The following RBKS variants were observed in gnomAD, a reference collection of about 807,000 sequenced individuals.
RBKS encodes ribokinase.
RBKS carries 33 observed loss-of-function variants against 33.9 expected under a neutral mutation model. The observed-to-expected ratio is 0.97, with a 90% CI of 0.74 to 1.30. The LOEUF (loss-of-function observed/expected upper bound fraction) is 1.30. RBKS is among the 50% of genes most tolerant of loss of function. The pLI is 0.00. For synonymous variants in RBKS, 125 were observed against 143.0 expected (o/e 0.87, Z 0.90); for missense variants, 361 against 392.6 (o/e 0.92, Z 0.68).
chr2:27,782,190 C>G (rs547089203), intron 7 of RBKS, among the ~76,000 whole-genome samples: 2 of 151,244 alleles, frequency 1.3e-5, no homozygotes, highest in African/African-American at 4.9e-5. Context: ...GAGACATGGT[C>G]TCGCTCTGTT....
At chr2:27,861,642 T>C (rs1401260986) in intron 1 of RBKS, 1 of 451,398 alleles carries the variant, frequency 2.2e-6, no homozygotes, top group Non-Finnish European at 4.5e-6. Flanking sequence ...AATAAGGAGA[T>C]TAGTATGTTC....
intron 5 of RBKS, among the ~76,000 whole-genome samples, chr2:27,840,526 T>C (rs531889523): frequency 6.6e-6 from 1 of 152,098 alleles, no homozygotes; most frequent in East Asian, 1.9e-4. Flanking sequence ...TGTGTGCATG[T>C]GTGTTCGTGT....
chr2:27,859,632 C>A (rs1372344134), intron 1 of RBKS, among the ~76,000 whole-genome samples: 1 of 152,136 alleles, frequency 6.6e-6, no homozygotes, highest in Non-Finnish European at 1.5e-5. Context: ...GGCACGAACA[C>A]TGGCTAGCTG....
intron 7 of RBKS, among the ~76,000 whole-genome samples, chr2:27,821,891 ACCCAGC>A (rs1678218663): frequency 6.6e-6 from 1 of 152,112 alleles, no homozygotes; most frequent in Non-Finnish European, 1.5e-5. Flanking sequence ...TATTTTACCC[ACCCAGC>A]CCTTTCTCAA....
intron 1 of RBKS, among the ~76,000 whole-genome samples, chr2:27,886,147 G>A (rs773693231): frequency 5.9e-5 from 9 of 152,144 alleles, no homozygotes; most frequent in Non-Finnish European, 1.2e-4. Flanking sequence ...TGTTTGCCAT[G>A]CTGTATGAGC....
chr2:27,851,017 C>T (rs1436883134), intron 2 of RBKS, among the ~76,000 whole-genome samples: 2 of 152,134 alleles, frequency 1.3e-5, no homozygotes, highest in African/African-American at 4.8e-5. Flanking sequence ...ACCTGCTTGG[C>T]TCCTGTAGGC....
chr2:27,889,353 T>TA (rs1664650199), intron 1 of RBKS, among the ~76,000 whole-genome samples: 1 of 152,226 alleles, frequency 6.6e-6, no homozygotes, highest in Admixed American at 6.5e-5. Context: ...AATGAGGTGT[T>TA]ACTGTAGCAT....
At chr2:27,789,977 ATATATAT>A (rs1677489938) in intron 7 of RBKS, among the ~76,000 whole-genome samples, 7 of 131,012 alleles carry the variant, frequency 5.3e-5, no homozygotes, top group African/African-American at 1.8e-4. Flanking sequence ...ATATATGTAT[ATATATAT>A]GTAGAGAGAG....
chr2:27,841,283 C>T (rs1406704863), intron 5 of RBKS, among the ~76,000 whole-genome samples: 1 of 152,088 alleles, frequency 6.6e-6, no homozygotes, highest in Non-Finnish European at 1.5e-5. Context: ...GGGTAGGTAA[C>T]AGGCAACTAG....
At chr2:27,838,403 GA>G (rs1194064387) in intron 5 of RBKS, among the ~76,000 whole-genome samples, 2 of 152,004 alleles carry the variant, frequency 1.3e-5, no homozygotes, top group African/African-American at 2.4e-5. Flanking sequence ...AAATTTTAAG[GA>G]AAAAATTACA....
chr2:27,865,644 C>T (rs1664086332), intron 1 of RBKS, among the ~76,000 whole-genome samples: 1 of 147,696 alleles, frequency 6.8e-6, no homozygotes, highest in South Asian at 2.2e-4. Flanking sequence ...GAACTCCTGG[C>T]CTAAAGTGAG....
intron 7 of RBKS, among the ~76,000 whole-genome samples, chr2:27,820,931 T>C (rs1678191649): frequency 1.3e-5 from 2 of 151,146 alleles, no homozygotes; most frequent in African/African-American, 4.9e-5. Flanking sequence ...TCCCAGCTAC[T>C]TGGGAGGCTG....
intron 1 of RBKS, among the ~76,000 whole-genome samples, chr2:27,875,355 C>T (rs1175739566): frequency 6.6e-6 from 1 of 152,150 alleles, no homozygotes. Flanking sequence ...CGAGAGCAGC[C>T]TGGGCAACAT....
intron 7 of RBKS, among the ~76,000 whole-genome samples, chr2:27,820,475 A>G (rs1268118925): frequency 1.3e-5 from 2 of 152,204 alleles, no homozygotes; most frequent in East Asian, 3.9e-4. Flanking sequence ...ACAAAGTTGA[A>G]TTAAACATTC....
intron 1 of RBKS, 89 bp from the exon 2 acceptor site, chr2:27,858,660 G>A (rs1237224836): frequency 8.7e-7 from 1 of 1,154,452 alleles, no homozygotes; most frequent in Non-Finnish European, 1.3e-6. Flanking sequence ...CTATATGGTA[G>A]AGCTCTAAAT....
chr2:27,798,195 G>T (rs1183059297), intron 7 of RBKS, among the ~76,000 whole-genome samples: 2 of 152,006 alleles, frequency 1.3e-5, no homozygotes, highest in East Asian at 3.9e-4. Context: ...GAAGTTGGGG[G>T]GTATGTAGCC....
In RBKS at chr2:27,843,159, T is replaced by A. The variant is rs975160201; in HGVS notation, c.422A>T (p.Asn141Ile). Reference sequence around the variant, plus strand: ...CATGACTTTGGCTCTGCTAATGACATTGGCTGCTGCCCTCAGATCCTCCGT... The same window carrying A: ...CATGACTTTGGCTCTGCTAATGACAATGGCTGCTGCCCTCAGATCCTCCGT... Reference protein sequence around the residue: ...LNTEDLRAAANVISRAKVMVC... With the variant: ...LNTEDLRAAAIVISRAKVMVC... The change falls in exon 5 of 8, where the codon AAT becomes ATT. Residue 141 changes from asparagine (N) to isoleucine (I), a missense_variant. Asn to Ile is a moderately radical substitution (Grantham distance 149). Transcript: ENST00000302188. 1 of 1,613,084 alleles carries A rather than the reference T, an allele frequency of 6.2e-7. No homozygotes were observed. Among genetic ancestry groups the A allele is most frequent in the South Asian group, 1.1e-5 (1 of 90,886 alleles).
At chr2:27,871,418 T>C (rs1370801763) in intron 1 of RBKS, among the ~76,000 whole-genome samples, 3 of 152,216 alleles carry the variant, frequency 2.0e-5, no homozygotes, top group Non-Finnish European at 4.4e-5. Flanking sequence ...CACCCGTAAT[T>C]TAAATAGGAC....
At chr2:27,820,177 AAAGT>A in intron 7 of RBKS, among the ~76,000 whole-genome samples, 1 of 152,342 alleles carries the variant, frequency 6.6e-6, no homozygotes, top group East Asian at 1.9e-4. Flanking sequence ...TTCAAATTAC[AAAGT>A]AATACATGAA....
Sources: allele counts gnomAD v4.1 joint callset (sites outside exome capture counted in the v4.1 genomes callset), GRCh38; gene constraint gnomAD v4.1.1; transcripts MANE v1.5; gene names NCBI Gene and HGNC (gene_info 2026-07-23, HGNC 2026-07-21).